Variants in MDGA2 observed in about 807,000 individuals in gnomAD.
The protein encoded by MDGA2 is MAM domain-containing glycosylphosphatidylinositol anchor protein 2.
In MDGA2, 40 loss-of-function variants were observed where a neutral mutation model predicts 117.8. The observed-to-expected ratio is 0.34, with a 90% confidence interval of 0.26 to 0.44. The LOEUF is 0.44. Among genes scored for constraint, MDGA2 ranks in the 20% least tolerant of loss-of-function variants. MDGA2 has a pLI of 1.00. For missense variants in MDGA2, 1,123 were observed against 1,250.6 expected, an observed-to-expected ratio of 0.90 and a Z score of 1.54; for synonymous variants, 452 against 439.0, an observed-to-expected ratio of 1.03 and a Z score of -0.37.
At chr14:47,168,949 A>T (rs955885551) in intron 3 of MDGA2, among the ~76,000 whole-genome samples, 2 of 152,136 alleles carry the variant, frequency 1.3e-5, no homozygotes, top group Non-Finnish European at 2.9e-5. Flanking sequence ...GTAAAATAAC[A>T]TGAGACTTTA....
At chr14:46,935,203 A>C (rs1476915320) in intron 9 of MDGA2, among the ~76,000 whole-genome samples, 4 of 152,120 alleles carry the variant, frequency 2.6e-5, no homozygotes, top group Non-Finnish European at 5.9e-5. Flanking sequence ...TGATTAATGT[A>C]CATTATGCCC....
At chr14:47,242,942 A>G (rs1887107962) in intron 2 of MDGA2, among the ~76,000 whole-genome samples, 1 of 151,788 alleles carries the variant, frequency 6.6e-6, no homozygotes, top group African/African-American at 2.4e-5. Context: ...CTTTATATTT[A>G]GTTCAGGGAT....
intron 1 of MDGA2, among the ~76,000 whole-genome samples, chr14:47,441,115 T>A (rs573353958): frequency 4.4e-4 from 67 of 152,236 alleles, no homozygotes; most frequent in African/African-American, 1.4e-3. Context: ...GTGAGACCGA[T>A]GAACTCTGAG....
Position 47,452,202 on chromosome 14 carries a change from C to T in MDGA2, c.281-150652G>A, listed in dbSNP as rs568627603. 9.9e-5 allele frequency among the ~76,000 whole-genome samples: 15 copies of T among 152,160 alleles called. 1 individual carries two copies. The highest frequency in any genetic ancestry group is 3.4e-4 in the African/African-American group (14 of 41,538). ...CCCTCCCCCACCACACAAACTTACA[C>T]ATACTGATGCATGATGTAGACATTC... On this transcript the variant is annotated intron_variant, in intron 1 of 16. Coordinates refer to ENST00000399232, the MANE Select transcript of MDGA2 (RefSeq NM_001113498.3).
intron 7 of MDGA2, among the ~76,000 whole-genome samples, chr14:47,040,554 C>G (rs910327275): frequency 1.3e-5 from 2 of 152,148 alleles, no homozygotes. Flanking sequence ...AAATCACTAA[C>G]TCCTGTTAAC....
intron 6 of MDGA2, among the ~76,000 whole-genome samples, chr14:47,081,722 A>G (rs1272543509): frequency 6.6e-6 from 1 of 152,168 alleles, no homozygotes; most frequent in Non-Finnish European, 1.5e-5. Flanking sequence ...ATCCATTACC[A>G]TATTATTTTT....
At chr14:47,101,228 G>A (rs943426551) in intron 5 of MDGA2, among the ~76,000 whole-genome samples, 1 of 151,930 alleles carries the variant, frequency 6.6e-6, no homozygotes, top group Non-Finnish European at 1.5e-5. Context: ...AGGGAAAGGG[G>A]AACAAAAAGT....
chr14:46,907,824 G>A (rs1883555652), intron 10 of MDGA2, among the ~76,000 whole-genome samples: 1 of 152,050 alleles, frequency 6.6e-6, no homozygotes, highest in Admixed American at 6.5e-5. Context: ...CTGTTTATTT[G>A]TATACAGTAT....
chr14:46,876,454 T>C lies in MDGA2; in HGVS notation c.2437+1035A>G, dbSNP rs112714927. On this transcript the variant is annotated intron_variant, in intron 12 of 16. Transcript: ENST00000399232. ...CAAAAGTCAATGTAATATAAAATACTAAAAGAGTAATAAGTATAAATAAGT... is the reference window on the plus strand; with the variant it reads ...CAAAAGTCAATGTAATATAAAATACCAAAAGAGTAATAAGTATAAATAAGT... Among the ~76,000 whole-genome samples the C allele has an allele frequency of 6.6e-5, 10 of 151,636 alleles. 1 individual carries two copies. The highest frequency in any genetic ancestry group is 2.2e-4 in the African/African-American group (9 of 41,528).
At chr14:47,146,040 A>T (rs1331742296) in intron 3 of MDGA2, among the ~76,000 whole-genome samples, 2 of 152,164 alleles carry the variant, frequency 1.3e-5, no homozygotes, top group Non-Finnish European at 2.9e-5. Flanking sequence ...ATATGGACAT[A>T]AGAATAGTGA....
chr14:47,229,922 G>A (rs1886632786), intron 2 of MDGA2, among the ~76,000 whole-genome samples: 1 of 151,814 alleles, frequency 6.6e-6, no homozygotes, highest in African/African-American at 2.4e-5. Context: ...ATGTAAATTT[G>A]GCACTTTTAC....
intron 10 of MDGA2, among the ~76,000 whole-genome samples, chr14:46,894,417 ATT>A (rs150928476): frequency 1.3e-5 from 2 of 151,536 alleles, no homozygotes. Context: ...AAATTTATAA[ATT>A]TTTTTTTCAC....
chr14:47,547,663 TA>T (rs1316809043), intron 1 of MDGA2, among the ~76,000 whole-genome samples: 2 of 152,226 alleles, frequency 1.3e-5, no homozygotes, highest in African/African-American at 2.4e-5. Flanking sequence ...TACTGCTTTA[TA>T]AACTTCTTTC....
At chr14:47,332,225 A>G (rs78648414) in intron 1 of MDGA2, among the ~76,000 whole-genome samples, 6,184 of 152,116 alleles carry the variant, frequency 0.041, 170 homozygotes, top group African/African-American at 0.076. Context: ...GCTGAAAGAC[A>G]GTCATTTATG....
At chr14:47,244,612 T>C (rs1429148036) in intron 2 of MDGA2, among the ~76,000 whole-genome samples, 2 of 151,888 alleles carry the variant, frequency 1.3e-5, no homozygotes, top group Non-Finnish European at 2.9e-5. Context: ...ATGTCAATAC[T>C]GATTTCTAAA....
In MDGA2 at chr14:46,841,859, A is replaced by C; in HGVS notation, c.*72T>G. On this transcript the variant is annotated 3_prime_UTR_variant, in exon 17 of 17. Coordinates refer to ENST00000399232, the MANE Select transcript of MDGA2 (RefSeq NM_001113498.3). ...GAATCTTTGGTAGTTTGTTTGTTCA[A>C]TGTCCATTTACAAAGACTCTTTCTT... 1 of 1,024,808 alleles carries C rather than the reference A, an allele frequency of 9.8e-7. No individual in the cohort carries two copies. Among genetic ancestry groups the C allele is most frequent in the South Asian group, 1.5e-5 (1 of 64,638 alleles). The allele number at this position is 1,024,808 out of a possible 1,614,324, so 63.5% of individuals were successfully genotyped here.
At chr14:47,074,346 G>A (rs1235973688) in intron 6 of MDGA2, among the ~76,000 whole-genome samples, 1 of 151,386 alleles carries the variant, frequency 6.6e-6, no homozygotes, top group Non-Finnish European at 1.5e-5. Context: ...TGTCACCCAG[G>A]CTGGAGTGCA....
chr14:46,939,994 T>A (rs1884936720), intron 9 of MDGA2, among the ~76,000 whole-genome samples: 1 of 152,142 alleles, frequency 6.6e-6, no homozygotes, highest in Non-Finnish European at 1.5e-5. Flanking sequence ...CTACATCTAC[T>A]TCAAGAAAGG....
chr14:46,870,127 A>G (rs749336530), intron 14 of MDGA2, among the ~76,000 whole-genome samples: 4 of 151,916 alleles, frequency 2.6e-5, no homozygotes, highest in Non-Finnish European at 5.9e-5. Flanking sequence ...AGTTTGGGGA[A>G]ATTTGTTATA....
Sources: gnomAD v4.1 joint callset for allele counts (sites outside exome capture counted in the v4.1 genomes callset) on GRCh38, gnomAD v4.1.1 for gene constraint, MANE v1.5 for transcripts, NCBI Gene and HGNC (gene_info 2026-07-23, HGNC 2026-07-21) for gene names.